CSNK2A1: variants seen among roughly 807,000 people sequenced by gnomAD.
The protein encoded by CSNK2A1 is casein kinase II subunit alpha.
CSNK2A1 carries 10 observed loss-of-function variants against 62.9 expected under a neutral mutation model. That is an observed-to-expected ratio of 0.16 (90% CI 0.10 to 0.27). CSNK2A1 has a LOEUF of 0.27. CSNK2A1 is among the 10% of genes least tolerant of loss of function. The pLI is 1.00. For missense variants in CSNK2A1, 160 were observed against 492.0 expected (o/e 0.33, Z 6.38); for synonymous variants, 124 against 167.8 (o/e 0.74, Z 2.02).
Position 477,929 on chromosome 20 carries a change from G to A in CSNK2A1, c.*6032C>T, listed in dbSNP as rs1220587437. 1 of 152,034 alleles carries A rather than the reference G, an allele frequency of 6.6e-6. No individual in the cohort carries two copies. The highest frequency in any genetic ancestry group is 2.4e-5 in the African/African-American group (1 of 41,346). The allele number at this position is 152,034 out of a possible 1,614,324, so 9.4% of individuals were successfully genotyped here. A position where few individuals can be genotyped will look rare whatever the true frequency, so the allele number is the denominator to read the frequency against. On this transcript the variant is annotated 3_prime_UTR_variant, in exon 14 of 14. Coordinates refer to ENST00000217244, the MANE Select transcript of CSNK2A1 (RefSeq NM_177559.3). ...AACAAAACAAAACAAAAAAACCCCA[G>A]TTACATTCAGGATGAATTCTGCCTT...
intron 11 of CSNK2A1, 190 bp from the exon 12 acceptor site, chr20:487,765 T>C: frequency 1.5e-6 from 1 of 682,986 alleles, no homozygotes; most frequent in Non-Finnish European, 2.4e-6. Context: ...GGAAACAACA[T>C]AGCTAGAGTG....
intron 2 of CSNK2A1, among the ~76,000 whole-genome samples, chr20:524,918 A>G (rs1034828986): frequency 6.6e-6 from 1 of 152,106 alleles, no homozygotes; most frequent in African/African-American, 2.4e-5. Context: ...GTTCGTGACC[A>G]GCCTGGGCAA....
chr20:540,779 A>T (rs2019434003), intron 1 of CSNK2A1: 1 of 152,226 alleles, frequency 6.6e-6, no homozygotes, highest in South Asian at 2.1e-4. Flanking sequence ...TGCCATAACA[A>T]ATTACCACAA....
At position 473,704 on chromosome 20, in the gene CSNK2A1, G is replaced by T. The variant is rs1333349184; in HGVS notation, c.*10257C>A. The T allele has an allele frequency of 6.6e-6, 1 of 152,268 alleles. No individual in the cohort carries two copies. The highest frequency in any genetic ancestry group is 2.4e-5 in the African/African-American group (1 of 41,464). 9.4% of individuals were successfully genotyped at this position (152,268 alleles called of 1,614,324 possible). ...GCTGAAAAGGGTAAAGACTACTGCA[G>T]TCTCCATGACCCAGTCCCTCACCAG... On this transcript the variant is annotated 3_prime_UTR_variant, in exon 14 of 14. Coordinates refer to ENST00000217244, the MANE Select transcript of CSNK2A1 (RefSeq NM_177559.3).
chr20:528,952 C>G (rs954126767), intron 1 of CSNK2A1, among the ~76,000 whole-genome samples: 2 of 152,256 alleles, frequency 1.3e-5, no homozygotes, highest in African/African-American at 4.8e-5. Flanking sequence ...AGCCAACCCC[C>G]ATACCCATGG....
chr20:486,615 G>T, intron 12 of CSNK2A1, 153 bp from the exon 13 acceptor site: 1 of 683,928 alleles, frequency 1.5e-6, no homozygotes, highest in Non-Finnish European at 2.3e-6. Flanking sequence ...CCTTCACCAT[G>T]AATTAGACAA....
At position 541,089 on chromosome 20, in the gene CSNK2A1, T is replaced by C. The variant is rs1288226886; in HGVS notation, c.-227+2583A>G. The C allele has an allele frequency of 2.0e-5, 3 of 152,236 alleles. 1 individual carries two copies. Among genetic ancestry groups the C allele is most frequent in the South Asian group, 4.1e-4 (2 of 4,834 alleles). 9.4% of individuals were successfully genotyped at this position (152,236 alleles called of 1,614,324 possible). On this transcript the variant is annotated intron_variant, in intron 1 of 13. Transcript: ENST00000217244. ...CACATTCCTTCTGATAAACTTTCCA[T>C]GTGGTCCTCTCTAGCAAAGGCAAAT...
intron 1 of CSNK2A1, among the ~76,000 whole-genome samples, chr20:542,244 G>A (rs919965136): frequency 1.3e-5 from 2 of 152,184 alleles, no homozygotes; most frequent in Admixed American, 1.3e-4. Context: ...AAACTCACAA[G>A]CTAGAAAATA....
chr20:505,540 T>C (rs866351012), intron 3 of CSNK2A1, among the ~76,000 whole-genome samples: 1 of 151,696 alleles, frequency 6.6e-6, no homozygotes, highest in Non-Finnish European at 1.5e-5. Flanking sequence ...TTTGAATTTT[T>C]AGTAGAGACG....
intron 2 of CSNK2A1, chr20:527,009 G>GAGACAGAC (rs2019109412): frequency 8.2e-6 from 1 of 121,334 alleles, no homozygotes; most frequent in Non-Finnish European, 1.8e-5. Context: ...GACAGAGAGA[G>GAGACAGAC]AGAGAGAGAG....
At chr20:503,989 C>T (rs552720659) in intron 4 of CSNK2A1, among the ~76,000 whole-genome samples, 2 of 152,224 alleles carry the variant, frequency 1.3e-5, no homozygotes, top group East Asian at 1.9e-4. Context: ...ACCAGCCTGA[C>T]CAATATGGTG....
intron 2 of CSNK2A1, among the ~76,000 whole-genome samples, chr20:518,843 C>T (rs998306561): frequency 6.6e-6 from 1 of 151,706 alleles, no homozygotes; most frequent in Non-Finnish European, 1.5e-5. Context: ...GTGTGAGCCA[C>T]CGCACCCAGC....
chr20:486,557 T>A lies in CSNK2A1; in HGVS notation c.974-95A>T, dbSNP rs77168153. 680 of 1,328,676 alleles carry A rather than the reference T, an allele frequency of 5.1e-4. 3 individuals carry two copies. The African/African-American group carries it at 8.9e-3, about 17-fold the overall frequency. The allele number at this position is 1,328,676 out of a possible 1,614,324, so 82.3% of individuals were successfully genotyped here. On this transcript the variant is annotated intron_variant, in intron 12 of 13. Coordinates refer to ENST00000217244, the MANE Select transcript of CSNK2A1 (RefSeq NM_177559.3). ...AAGCAGCCAGCTTCATTCTTTGCAA[T>A]TTATATATACTCTACATTATTCCCC...
intron 4 of CSNK2A1, chr20:503,723 A>AG (rs2018516311): frequency 2.5e-6 from 1 of 398,524 alleles, no homozygotes; most frequent in African/African-American, 2.1e-5. Flanking sequence ...ACAGGAAATG[A>AG]GGGTGGTGGT....
intron 8 of CSNK2A1, chr20:494,075 T>A (rs1388636708): frequency 6.7e-6 from 1 of 149,814 alleles, no homozygotes; most frequent in Non-Finnish European, 1.5e-5. Context: ...TCACCCAGGC[T>A]GGAGCACAGT....
At chr20:524,678 A>C (rs1172913941) in intron 2 of CSNK2A1, among the ~76,000 whole-genome samples, 3 of 133,646 alleles carry the variant, frequency 2.2e-5, no homozygotes, top group Non-Finnish European at 4.6e-5. Context: ...TGCAGTGGGC[A>C]CTCCAGCATG....
At chr20:509,675 C>T (rs115107466) in intron 2 of CSNK2A1, among the ~76,000 whole-genome samples, 9 of 152,282 alleles carry the variant, frequency 5.9e-5, no homozygotes, top group East Asian at 1.9e-4. Context: ...TCCTGGACTC[C>T]GGTGATTCTT....
At chr20:491,343 C>A (rs945744622) in intron 9 of CSNK2A1, among the ~76,000 whole-genome samples, 1 of 152,066 alleles carries the variant, frequency 6.6e-6, no homozygotes, top group Non-Finnish European at 1.5e-5. Flanking sequence ...AACAAGAAAA[C>A]ATTCTTGAAT....
intron 1 of CSNK2A1, among the ~76,000 whole-genome samples, chr20:532,863 CAAAAAAACA>C (rs988660454): frequency 1.3e-5 from 2 of 151,996 alleles, no homozygotes; most frequent in African/African-American, 4.8e-5. Flanking sequence ...GTCACTGACA[CAAAAAAACA>C]AAAACAACAA....
Sources: allele counts gnomAD v4.1 joint callset (sites outside exome capture counted in the v4.1 genomes callset), GRCh38; gene constraint gnomAD v4.1.1; transcripts MANE v1.5; gene names NCBI Gene and HGNC (gene_info 2026-07-23, HGNC 2026-07-21).